The following SDK1 variants were observed in gnomAD, a reference collection of about 807,000 sequenced individuals.
SDK1 encodes protein sidekick-1.
A neutral mutation model predicts 245.5 loss-of-function variants in SDK1; 157 were observed. The ratio of observed to expected loss-of-function variants is 0.64; its 90% CI spans 0.56 to 0.73. The LOEUF (loss-of-function observed/expected upper bound fraction) is 0.73, where lower values mean the gene tolerates loss of function less well. Among genes scored for constraint, SDK1 ranks in the 30% least tolerant of loss-of-function variants. The pLI, the probability that SDK1 is intolerant of heterozygous loss-of-function variation, is 0.00. For missense variants in SDK1, 3,583 were observed against 3,002.3 expected, an observed-to-expected ratio of 1.19 and a Z score of -4.52; for synonymous variants, 1,647 against 1,278.5, an observed-to-expected ratio of 1.29 and a Z score of -6.15.
chr7:3,486,068 C>G (rs1159065246), intron 1 of SDK1, among the ~76,000 whole-genome samples: 1 of 151,944 alleles, frequency 6.6e-6, no homozygotes, highest in African/African-American at 2.4e-5. Context: ...TTAAAATCAT[C>G]TATGCTTAGT....
rs375940542 is a variant in SDK1 at position 4,158,400 on chromosome 7, G to A, written c.4626-48G>A. The A allele has an allele frequency of 3.4e-6, 5 of 1,477,024 alleles. No individual in the cohort carries two copies. The East Asian group carries it at 9.0e-5, about 27-fold the overall frequency. The allele number at this position is 1,477,024 out of a possible 1,614,324, so 91.5% of individuals were successfully genotyped here. A position where few individuals can be genotyped will look rare whatever the true frequency, so the allele number is the denominator to read the frequency against. ...GCTTCACCAGGAATGCCTGAGGGCA[G>A]GACAGGGTGGCAGGGCCCCGGCAGT... is the stretch of plus-strand genomic sequence containing the variant. On this transcript the variant is annotated intron_variant, in intron 30 of 44. Transcript: ENST00000404826.
At chr7:3,659,147 C>T (rs898476774) in intron 4 of SDK1, among the ~76,000 whole-genome samples, 24 of 152,124 alleles carry the variant, frequency 1.6e-4, no homozygotes, top group Admixed American at 1.4e-3. Flanking sequence ...CTTTACTGAT[C>T]ATCATTAAAT....
chr7:4,164,387 C>G, intron 32 of SDK1, among the ~76,000 whole-genome samples: 1 of 152,122 alleles, frequency 6.6e-6, no homozygotes, highest in East Asian at 1.9e-4. Flanking sequence ...CATCTCCAGT[C>G]TTTGGGGGCC....
intron 1 of SDK1, among the ~76,000 whole-genome samples, chr7:3,599,341 C>T (rs60514739): frequency 0.55 from 82,973 of 151,254 alleles, 23,001 homozygotes; most frequent in South Asian, 0.75. Context: ...CTACTGATTT[C>T]TGCGGATTCT....
chr7:3,332,479 A>C (rs557185047), intron 1 of SDK1, among the ~76,000 whole-genome samples: 2 of 152,208 alleles, frequency 1.3e-5, no homozygotes, highest in African/African-American at 2.4e-5. Flanking sequence ...CACATTTCTC[A>C]TAAGTAGTAA....
chr7:3,848,714 CA>C (rs1780343244), intron 5 of SDK1, among the ~76,000 whole-genome samples: 1 of 151,648 alleles, frequency 6.6e-6, no homozygotes, highest in Non-Finnish European at 1.5e-5. Flanking sequence ...TCTTGTCACT[CA>C]GGCTGGAGTG....
At chr7:3,915,133 A>G (rs941254813) in intron 5 of SDK1, among the ~76,000 whole-genome samples, 1 of 152,224 alleles carries the variant, frequency 6.6e-6, no homozygotes, top group African/African-American at 2.4e-5. Flanking sequence ...GGTATTTTCC[A>G]AATAACAGGG....
chr7:3,608,587 G>C (rs1375995924), intron 1 of SDK1, among the ~76,000 whole-genome samples: 2 of 152,186 alleles, frequency 1.3e-5, no homozygotes, highest in Admixed American at 6.5e-5. Flanking sequence ...TATTTAAGGA[G>C]GTGTCTGATG....
At chr7:3,428,702 A>C (rs1779745515) in intron 1 of SDK1, among the ~76,000 whole-genome samples, 1 of 152,208 alleles carries the variant, frequency 6.6e-6, no homozygotes, top group African/African-American at 2.4e-5. Flanking sequence ...ATTATTGTAA[A>C]GAGCTACTCA....
intron 12 of SDK1, among the ~76,000 whole-genome samples, 170 bp from the exon 13 acceptor site, chr7:3,974,199 A>AAG (rs1554294759): frequency 1.4e-5 from 2 of 145,538 alleles, no homozygotes; most frequent in African/African-American, 2.5e-5. Context: ...AAAAAAAAAA[A>AAG]AGAAAGAAAG....
At chr7:4,149,790 C>G (rs930228458) in intron 30 of SDK1, among the ~76,000 whole-genome samples, 5 of 152,110 alleles carry the variant, frequency 3.3e-5, no homozygotes, top group Admixed American at 2.6e-4. Flanking sequence ...TAGCCCCTCC[C>G]AAGGCTGGCA....
At chr7:3,894,157 T>C (rs1204758784) in intron 5 of SDK1, among the ~76,000 whole-genome samples, 1 of 152,218 alleles carries the variant, frequency 6.6e-6, no homozygotes, top group Admixed American at 6.5e-5. Flanking sequence ...TTTTAAAATA[T>C]ATATATCATA....
intron 5 of SDK1, among the ~76,000 whole-genome samples, chr7:3,932,911 G>A (rs1009728769): frequency 3.9e-5 from 6 of 152,134 alleles, no homozygotes; most frequent in Non-Finnish European, 8.8e-5. Context: ...GTGGCCGATT[G>A]TGCTGAGCCT....
At chr7:3,431,358 GTT>G (rs34510123) in intron 1 of SDK1, among the ~76,000 whole-genome samples, 164 of 118,344 alleles carry the variant, frequency 1.4e-3, no homozygotes, top group African/African-American at 4.5e-3. Context: ...AATGTGGGAG[GTT>G]TTTTTTTTTT....
At chr7:3,741,359 G>A (rs938956012) in intron 4 of SDK1, among the ~76,000 whole-genome samples, 1 of 152,204 alleles carries the variant, frequency 6.6e-6, no homozygotes, top group Non-Finnish European at 1.5e-5. Context: ...CCCAGGGGAT[G>A]CTCTTCATCT....
At chr7:3,643,824 C>G (rs1782734228) in intron 4 of SDK1, 1 of 151,364 alleles carries the variant, frequency 6.6e-6, no homozygotes, top group African/African-American at 2.4e-5. Flanking sequence ...CTCCAGTCTT[C>G]TAGTTCTGGA....
At chr7:4,070,067 G>A (rs189440618) in intron 20 of SDK1, among the ~76,000 whole-genome samples, 3 of 152,308 alleles carry the variant, frequency 2.0e-5, no homozygotes, top group East Asian at 1.9e-4. Context: ...AATGCCTGAC[G>A]GTTCTGTTTA....
chr7:3,888,494 A>G (rs1027640993), intron 5 of SDK1, among the ~76,000 whole-genome samples: 1 of 152,232 alleles, frequency 6.6e-6, no homozygotes, highest in African/African-American at 2.4e-5. Flanking sequence ...AAATATATTC[A>G]GTAAATCAAT....
chr7:4,169,910 C>T (rs563572471), intron 32 of SDK1, among the ~76,000 whole-genome samples: 2 of 152,244 alleles, frequency 1.3e-5, no homozygotes, highest in Non-Finnish European at 2.9e-5. Flanking sequence ...TCTTTAGGGT[C>T]AGCAGAATGA....
Sources: gnomAD v4.1 joint callset for allele counts (sites outside exome capture counted in the v4.1 genomes callset) on GRCh38, gnomAD v4.1.1 for gene constraint, MANE v1.5 for transcripts, NCBI Gene and HGNC (gene_info 2026-07-23, HGNC 2026-07-21) for gene names.